OR2J3: variants seen among roughly 807,000 people sequenced by gnomAD.
OR2J3 encodes the protein olfactory receptor family 2 subfamily J member 3.
A neutral mutation model predicts 18.5 loss-of-function variants in OR2J3; 13 were observed. The observed-to-expected ratio is 0.70, with a 90% CI of 0.46 to 1.12. The LOEUF (loss-of-function observed/expected upper bound fraction) is 1.12. OR2J3 is among the 50% of genes most tolerant of loss of function. The pLI is 0.00. For missense variants in OR2J3, 321 were observed against 371.6 expected, an observed-to-expected ratio of 0.86 and a Z score of 1.12; for synonymous variants, 142 against 140.6, an observed-to-expected ratio of 1.01 and a Z score of -0.07.
Position 29,112,353 on chromosome 6 carries a change from G to A in OR2J3, c.463G>A (p.Gly155Ser), listed in dbSNP as rs1232040493. The A allele has an allele frequency of 6.2e-7, 1 of 1,613,926 alleles. No individual in the cohort carries two copies. Among genetic ancestry groups the A allele is most frequent in the African/African-American group, 1.3e-5 (1 of 74,868 alleles). The change falls in exon 4 of 4, where the codon GGT becomes AGT. Residue 155 changes from glycine (G) to serine (S), a missense_variant. By Grantham distance (56) the Gly-to-Ser change is moderately conservative (BLOSUM62 0). Transcript: ENST00000641151. ...HLLAVASWVS[G>S]FTNSALHSSF... ...GCTGGCTGTGGCTTCTTGGGTAAGTGGTTTTACCAACTCAGCACTTCATTC... is the reference window on the plus strand; with the variant it reads ...GCTGGCTGTGGCTTCTTGGGTAAGTAGTTTTACCAACTCAGCACTTCATTC...
chr6:29,108,994 T>G (rs1378188369), intron 3 of OR2J3, 119 bp downstream of exon 3: 1 of 152,180 alleles, frequency 6.6e-6, no homozygotes, highest in Non-Finnish European at 1.5e-5. Context: ...GTTGTTTTAG[T>G]TAATGTAATA....
Position 29,111,865 on chromosome 6 carries a change from CT to C in OR2J3, c.-10-8del. 4 of 1,558,844 alleles carry C rather than the reference CT, an allele frequency of 2.6e-6. No homozygotes were observed. The highest frequency in any genetic ancestry group is 1.2e-5 in the South Asian group (1 of 80,692). ...TTACTCGTTTTTTGAGTTTACCTTT[CT>C]TTTTTTTCTCTCAGGTAATAGGAAA... On this transcript the variant is annotated splice_polypyrimidine_tract_variant and intron_variant, in intron 3 of 3. Coordinates refer to ENST00000641151, the MANE Select transcript of OR2J3 (RefSeq NM_001005216.4).
chr6:29,112,414 G>C lies in OR2J3; in HGVS notation c.524G>C (p.Arg175Pro). ...TTCTGGGTACCTCTGTGTGGACACC[G>C]CCAAGTAGATCACTTTTTCTGTGAA... is the stretch of plus-strand genomic sequence containing the variant. The part of the protein sequence containing the change: ...FTFWVPLCGH[R>P]QVDHFFCEVP... Residue 175 changes from arginine to proline, a missense_variant, in exon 4 of 4, where the codon CGC becomes CCC. Physicochemically the swap from Arg to Pro is moderately radical, Grantham distance 103. Coordinates refer to ENST00000641151, the MANE Select transcript of OR2J3 (RefSeq NM_001005216.4). 6.2e-7 allele frequency: 1 copy of C among 1,614,008 alleles called. No homozygotes were observed. Among genetic ancestry groups the C allele is most frequent in the Non-Finnish European group, 8.5e-7 (1 of 1,179,984 alleles).
chr6:29,108,775 T>G (rs1366973469), intron 2 of OR2J3, 49 bp from the exon 3 acceptor site: 2 of 152,238 alleles, frequency 1.3e-5, no homozygotes, highest in African/African-American at 4.8e-5. Flanking sequence ...ATATGGCTTT[T>G]GATAAGGCTT....
chr6:29,111,721 T>G, intron 3 of OR2J3, 160 bp from the exon 4 acceptor site: 1 of 619,846 alleles, frequency 1.6e-6, no homozygotes, highest in East Asian at 2.8e-5. Flanking sequence ...TTTATAATTC[T>G]TCTTTTGTTA....
intron 3 of OR2J3, among the ~76,000 whole-genome samples, chr6:29,111,010 A>G (rs765979660): frequency 6.6e-6 from 1 of 152,148 alleles, no homozygotes; most frequent in Non-Finnish European, 1.5e-5. Flanking sequence ...GTTACTTTAC[A>G]TAAGTCCAGC....
In OR2J3 at chr6:29,111,941, A is replaced by G; in HGVS notation, c.51A>G (p.Leu17=). 1.2e-6 allele frequency: 2 copies of G among 1,613,764 alleles called. No homozygotes were observed. The highest frequency in any genetic ancestry group is 1.1e-5 in the South Asian group (1 of 91,080). ...CTAGCTCTGAGGGGTACTTTATTTT[A>G]GTTGGATTTTCTAATTGGCCTCATC... ...VNASSEGYFI[L]VGFSNWPHLE... Residue 17 remains leucine (L), a synonymous_variant, in exon 4 of 4, where the codon TTA becomes TTG. Transcript: ENST00000641151.
intron 3 of OR2J3, among the ~76,000 whole-genome samples, chr6:29,109,900 T>C (rs9461508): frequency 0.066 from 10,057 of 152,246 alleles, 874 homozygotes; most frequent in African/African-American, 0.2. Context: ...AATAAATATG[T>C]ACTAATTATA....
intron 3 of OR2J3, chr6:29,109,759 G>A (rs1310432312): frequency 6.6e-6 from 1 of 152,028 alleles, no homozygotes; most frequent in Non-Finnish European, 1.5e-5. Context: ...TCACCTAGGA[G>A]TCATAACTAT....
Position 29,112,455 on chromosome 6 carries a change from C to T in OR2J3, c.565C>T (p.Arg189Ter), listed in dbSNP as rs780463918. ...TTTCTGTGAAGTTCCAGCACTTCTG[C>T]GATTATCGTGTGTTGATACCCATGT... The part of the protein sequence containing the change: ...HFFCEVPALL[R>*]LSCVDTHVNE... Residue 189 changes from arginine to a stop codon, truncating the protein, a stop_gained, in exon 4 of 4, where the codon CGA (arginine) becomes TGA (stop). Transcript: ENST00000641151. LOFTEE classifies it high-confidence loss of function. 6.8e-6 allele frequency: 11 copies of T among 1,613,938 alleles called. No individual in the cohort carries two copies. The highest frequency in any genetic ancestry group is 1.7e-5 in the Admixed American group (1 of 59,980).
At chr6:29,111,191 C>A (rs1762114140) in intron 3 of OR2J3, among the ~76,000 whole-genome samples, 3 of 152,088 alleles carry the variant, frequency 2.0e-5, no homozygotes, top group Admixed American at 2.0e-4. Context: ...TCATCTGGAC[C>A]AGTTCCTCAC....
Position 29,111,865 on chromosome 6 carries a change from C to CTT in OR2J3, c.-10-9_-10-8dup. The CTT allele has an allele frequency of 6.4e-7, 1 of 1,558,880 alleles. No homozygotes were observed. The highest frequency in any genetic ancestry group is 8.6e-7 in the Non-Finnish European group (1 of 1,157,840). On this transcript the variant is annotated splice_polypyrimidine_tract_variant and intron_variant, in intron 3 of 3. Transcript: ENST00000641151. ...TTACTCGTTTTTTGAGTTTACCTTT[C>CTT]TTTTTTTTCTCTCAGGTAATAGGAA...
At position 29,112,835 on chromosome 6, in the gene OR2J3, A is replaced by G. The variant is rs774846287; in HGVS notation, c.*9A>G. ...TAATGGGGTGGGAATGAGCCTGTGT[A>G]TGTGTCATATTAACAATATAACAGA... On this transcript the variant is annotated 3_prime_UTR_variant, in exon 4 of 4. Coordinates refer to ENST00000641151, the MANE Select transcript of OR2J3 (RefSeq NM_001005216.4). The G allele has an allele frequency of 6.2e-7, 1 of 1,600,988 alleles. No individual in the cohort carries two copies. Among genetic ancestry groups the G allele is most frequent in the South Asian group, 1.1e-5 (1 of 88,832 alleles).
chr6:29,111,640 T>A (rs749353459), intron 3 of OR2J3: 61 of 436,680 alleles, frequency 1.4e-4, no homozygotes, highest in Non-Finnish European at 2.2e-4. Context: ...TAATTAGGGA[T>A]CTACTGTAAG....
chr6:29,113,803 A>T lies in OR2J3; in HGVS notation c.*977A>T, dbSNP rs907742946. ...ATAAGTATATTATGTATGTCAATAT[A>T]TGTGTTTCAAATAAAGAAATCTATT... On this transcript the variant is annotated 3_prime_UTR_variant, in exon 4 of 4. Transcript: ENST00000641151. 1.6e-4 allele frequency: 25 copies of T among 152,304 alleles called. No individual in the cohort carries two copies. In the East Asian group the frequency reaches 4.4e-3, roughly 27 times the overall value. The allele number at this position is 152,304 out of a possible 1,614,324, so 9.4% of individuals were successfully genotyped here.
At position 29,114,638 on chromosome 6, in the gene OR2J3, G is replaced by A. The variant is rs1239548557; in HGVS notation, c.*1812G>A. 6.6e-6 allele frequency: 1 copy of A among 152,112 alleles called. No individual in the cohort carries two copies. Among genetic ancestry groups the A allele is most frequent in the Non-Finnish European group, 1.5e-5 (1 of 68,006 alleles). The allele number at this position is 152,112 out of a possible 1,614,324, so 9.4% of individuals were successfully genotyped here. ...TATCTTAGCAGTTTTCAACTATGCA[G>A]TACAGTATTATTAGCTATAGTCACC... On this transcript the variant is annotated 3_prime_UTR_variant, in exon 4 of 4. Transcript: ENST00000641151.
At position 29,112,172 on chromosome 6, in the gene OR2J3, C is replaced by T; in HGVS notation, c.282C>T (p.Thr94=). ...TCAATCTCTGGGGCCCGGAAAAGACCATCTCTTATGCTGGTTGCATGATTC... is the reference window on the plus strand; with the variant it reads ...TCAATCTCTGGGGCCCGGAAAAGACTATCTCTTATGCTGGTTGCATGATTC... ...LLVNLWGPEK[T]ISYAGCMIQL... is the part of the protein sequence containing the mutation. The change falls in exon 4 of 4, where the codon ACC becomes ACT. Residue 94 remains threonine (T), a synonymous_variant. Coordinates refer to ENST00000641151, the MANE Select transcript of OR2J3 (RefSeq NM_001005216.4). 6.2e-7 allele frequency: 1 copy of T among 1,614,144 alleles called. No individual in the cohort carries two copies. The highest frequency in any genetic ancestry group is 8.5e-7 in the Non-Finnish European group (1 of 1,180,032).
Position 29,112,800 on chromosome 6 carries a change from G to A in OR2J3, c.910G>A (p.Val304Met). Residue 304 changes from valine (V) to methionine (M), a missense_variant, in exon 4 of 4, where the codon GTG becomes ATG. By Grantham distance (21) the Val-to-Met change is conservative. Transcript: ENST00000641151. ...CAGAAACAAAGTTGTAAGAGGGGCA[G>A]TGAAGAGACTAATGGGGTGGGAATG... is the stretch of plus-strand genomic sequence containing the variant. ...TLRNKVVRGA[V>M]KRLMGWE 1 of 1,613,462 alleles carries A rather than the reference G, an allele frequency of 6.2e-7. No homozygotes were observed. Among genetic ancestry groups the A allele is most frequent in the Middle Eastern group, 1.7e-4 (1 of 6,060 alleles).
At position 29,114,460 on chromosome 6, in the gene OR2J3, T is replaced by G. The variant is rs1211353974; in HGVS notation, c.*1634T>G. 7.2e-6 allele frequency: 1 copy of G among 139,012 alleles called. No homozygotes were observed. The highest frequency in any genetic ancestry group is 1.6e-5 in the Non-Finnish European group (1 of 64,278). 8.6% of individuals were successfully genotyped at this position (139,012 alleles called of 1,614,324 possible). A position where few individuals can be genotyped will look rare whatever the true frequency, so the allele number is the denominator to read the frequency against. On this transcript the variant is annotated 3_prime_UTR_variant, in exon 4 of 4. Coordinates refer to ENST00000641151, the MANE Select transcript of OR2J3 (RefSeq NM_001005216.4). ...CTCAAATATCCCCCCCCTCCCCATCTTTATTAAGGATAAGTGAAAAAAATG... is the reference window on the plus strand; with the variant it reads ...CTCAAATATCCCCCCCCTCCCCATCGTTATTAAGGATAAGTGAAAAAAATG...
Sources: allele counts gnomAD v4.1 joint callset (sites outside exome capture counted in the v4.1 genomes callset), GRCh38; gene constraint gnomAD v4.1.1; transcripts MANE v1.5; gene names NCBI Gene and HGNC (gene_info 2026-07-23, HGNC 2026-07-21).